PTPRG: variants seen among roughly 807,000 people sequenced by gnomAD.
PTPRG encodes protein tyrosine phosphatase receptor type G.
A neutral mutation model predicts 165.3 loss-of-function variants in PTPRG; 102 were observed. The ratio of observed to expected loss-of-function variants is 0.62; its 90% CI spans 0.53 to 0.73. The LOEUF (loss-of-function observed/expected upper bound fraction) is 0.73, where lower values mean the gene tolerates loss of function less well. PTPRG is among the 30% of genes least tolerant of loss of function. The pLI is 0.00. For missense variants in PTPRG, 1,866 were observed against 1,861.4 expected (o/e 1.00, Z -0.05); for synonymous variants, 675 against 669.5 (o/e 1.01, Z -0.13).
At chr3:61,675,947 ATCCTATTGT>A (rs1294712663) in intron 1 of PTPRG, among the ~76,000 whole-genome samples, 1 of 152,170 alleles carries the variant, frequency 6.6e-6, no homozygotes, top group Non-Finnish European at 1.5e-5. Context: ...TTGAACCAGT[ATCCTATTGT>A]TAGATACGTC....
rs1294889957 is a variant in PTPRG, at chr3:62,195,294, G to A, written c.1327+124G>A. ...AAGCCTGGCAGAAGAATCAGTGTAGGGTTTTAAAGCCTATGCGGGAAGCCC... is the reference window on the plus strand; with the variant it reads ...AAGCCTGGCAGAAGAATCAGTGTAGAGTTTTAAAGCCTATGCGGGAAGCCC... On this transcript the variant is annotated intron_variant, in intron 10 of 29. Coordinates refer to ENST00000474889, the MANE Select transcript of PTPRG (RefSeq NM_002841.4). This position sits in a 1 kb window ranked among gnomAD's most constrained non-coding sequence, Gnocchi z 4.4. The A allele has an allele frequency of 1.6e-5, 14 of 879,220 alleles. No homozygotes were observed. The highest frequency in any genetic ancestry group is 2.3e-5 in the Non-Finnish European group (13 of 557,104). The allele number at this position is 879,220 out of a possible 1,614,324, so 54.5% of individuals were successfully genotyped here. A position where few individuals can be genotyped will look rare whatever the true frequency, so the allele number is the denominator to read the frequency against.
chr3:61,926,581 TTCCCTCCC>T (rs753369598), intron 2 of PTPRG, among the ~76,000 whole-genome samples: 1,040 of 91,582 alleles, frequency 0.011, 24 homozygotes, highest in African/African-American at 0.04. Context: ...TTTCTTCCCC[TTCCCTCCC>T]TCCCTCCCTC....
chr3:61,597,894 T>A (rs1700743739), intron 1 of PTPRG, among the ~76,000 whole-genome samples: 1 of 152,234 alleles, frequency 6.6e-6, no homozygotes, highest in South Asian at 2.1e-4. Context: ...TCATGGAGTA[T>A]AAAACAAAGC....
At chr3:62,069,915 G>C (rs6787424) in intron 4 of PTPRG, among the ~76,000 whole-genome samples, 104,500 of 151,896 alleles carry the variant, frequency 0.69, 37,497 homozygotes, top group Non-Finnish European at 0.79. Flanking sequence ...ATTATAGAGG[G>C]TAATCAGCTT....
intron 1 of PTPRG, among the ~76,000 whole-genome samples, chr3:61,647,677 A>G (rs1443218386): frequency 6.6e-6 from 1 of 150,376 alleles, no homozygotes; most frequent in Non-Finnish European, 1.5e-5. Context: ...CTGTAGTCCC[A>G]GCTACTTGGG....
chr3:62,062,247 C>T (rs910095989), intron 4 of PTPRG, among the ~76,000 whole-genome samples: 24 of 151,832 alleles, frequency 1.6e-4, no homozygotes, highest in African/African-American at 5.8e-4. Flanking sequence ...TGCTGTGAGC[C>T]GAGATTGTGC....
chr3:62,124,217 G>A (rs1703195388), intron 5 of PTPRG: 2 of 999,914 alleles, frequency 2.0e-6, no homozygotes, highest in African/African-American at 3.2e-5. Context: ...GCCACACAGT[G>A]CTTTCCTGTC....
intron 2 of PTPRG, chr3:61,769,931 C>T (rs1467227477): frequency 6.6e-6 from 1 of 151,960 alleles, no homozygotes; most frequent in Non-Finnish European, 1.5e-5. Flanking sequence ...GGTAGAGAAC[C>T]CTCTGCTGTA....
chr3:61,637,545 A>G (rs114269319), intron 1 of PTPRG, among the ~76,000 whole-genome samples: 168 of 152,306 alleles, frequency 1.1e-3, no homozygotes, highest in African/African-American at 3.9e-3. Flanking sequence ...GTGCAGATCA[A>G]GCAGAACGCT....
At chr3:61,779,479 CG>C (rs2034483034) in intron 2 of PTPRG, among the ~76,000 whole-genome samples, 1 of 152,062 alleles carries the variant, frequency 6.6e-6, no homozygotes, top group Non-Finnish European at 1.5e-5. Flanking sequence ...GACTTGACCC[CG>C]GGGAGATAGG....
In PTPRG at chr3:62,238,792, G is replaced by A. The variant is rs191327746; in HGVS notation, c.2376-5015G>A. Reference sequence around the variant, plus strand: ...CTGATAAGAGAGAGAGAGAGACTGAGAGACAGACTGACTGACTGTTCAGGG... The same window carrying A: ...CTGATAAGAGAGAGAGAGAGACTGAAAGACAGACTGACTGACTGTTCAGGG... On this transcript the variant is annotated intron_variant, in intron 14 of 29. Transcript: ENST00000474889. 2.9e-3 allele frequency among the ~76,000 whole-genome samples: 442 copies of A among 152,308 alleles called. 3 individuals are homozygous for A. The highest frequency in any genetic ancestry group is 0.01 in the African/African-American group (421 of 41,564).
intron 26 of PTPRG, among the ~76,000 whole-genome samples, chr3:62,279,126 G>GC (rs1470100140): frequency 6.6e-6 from 1 of 152,010 alleles, no homozygotes; most frequent in East Asian, 1.9e-4. Context: ...TTTTCCTAAA[G>GC]ATTGATATCT....
intron 1 of PTPRG, among the ~76,000 whole-genome samples, chr3:61,591,053 C>T (rs1268656121): frequency 6.6e-6 from 1 of 152,002 alleles, no homozygotes; most frequent in Non-Finnish European, 1.5e-5. Context: ...TGGAGTGAAA[C>T]CTCCACTGGG....
chr3:61,699,578 G>C (rs761589717), intron 1 of PTPRG, among the ~76,000 whole-genome samples: 2 of 152,166 alleles, frequency 1.3e-5, no homozygotes, highest in African/African-American at 2.4e-5. Context: ...TGAGCTAAAA[G>C]TGAACATTTC....
chr3:61,743,029 T>C, intron 1 of PTPRG: 3 of 1,591,032 alleles, frequency 1.9e-6, no homozygotes, highest in Non-Finnish European at 2.6e-6. Flanking sequence ...CTCCAGGAAC[T>C]TGCGGCGCTT....
In PTPRG at chr3:62,271,416, G is replaced by C. The variant is rs774785758; in HGVS notation, c.3043G>C (p.Glu1015Gln). The C allele has an allele frequency of 5.0e-6, 8 of 1,611,480 alleles. No homozygotes were observed. The highest frequency in any genetic ancestry group is 1.7e-5 in the Admixed American group (1 of 59,586). Residue 1015 changes from glutamate (E) to glutamine (Q), a missense_variant, in exon 21 of 30, where the codon GAA (glutamate) becomes CAA (glutamine). By Grantham distance (29) the Glu-to-Gln change is conservative (BLOSUM62 2). Transcript: ENST00000474889. The surrounding 1 kb of genome is among the most constrained non-coding windows in gnomAD (Gnocchi z 4.1). ...QKGNPKGRQN[E>Q]RVVIQYHYTQ... ...GGGAAATCCCAAGGGTCGTCAGAAT[G>C]AAAGGGTAGTGATCCAGTATCACTA...
chr3:61,914,128 T>A (rs1357140556), intron 2 of PTPRG, among the ~76,000 whole-genome samples: 5 of 152,178 alleles, frequency 3.3e-5, no homozygotes, highest in Non-Finnish European at 7.4e-5. Flanking sequence ...TACAGTTCAG[T>A]GGTCCTAGAA....
rs542821360 is a variant in PTPRG, at chr3:62,260,005, C to T, written c.2560-2793C>T. ...GAAGGGAATAACAAAGTCAGCACAA[C>T]GTTTGAGGAAAATCAGTCTGGCAGC... is the stretch of plus-strand genomic sequence containing the variant. On this transcript the variant is annotated intron_variant, in intron 16 of 29. Coordinates refer to ENST00000474889, the MANE Select transcript of PTPRG (RefSeq NM_002841.4). 2.2e-4 allele frequency among the ~76,000 whole-genome samples: 33 copies of T among 152,282 alleles called. 1 individual carries two copies. The highest frequency in any genetic ancestry group is 1.4e-3 in the Admixed American group (21 of 15,294).
chr3:61,696,239 C>T (rs915831639), intron 1 of PTPRG, among the ~76,000 whole-genome samples: 79 of 152,280 alleles, frequency 5.2e-4, no homozygotes, highest in Admixed American at 2.0e-4. Flanking sequence ...CGGTGACTCA[C>T]GCCTATAATC....
Sources: allele counts gnomAD v4.1 joint callset (sites outside exome capture counted in the v4.1 genomes callset), GRCh38; gene constraint gnomAD v4.1.1; non-coding constraint Gnocchi (gnomAD v3.1); transcripts MANE v1.5; gene names NCBI Gene and HGNC (gene_info 2026-07-23, HGNC 2026-07-21).